SHBG: variants seen among roughly 807,000 people sequenced by gnomAD.
SHBG encodes the protein sex hormone binding globulin.
A neutral mutation model predicts 41.9 loss-of-function variants in SHBG; 37 were observed. The observed-to-expected ratio is 0.88, with a 90% CI of 0.68 to 1.16. The LOEUF is 1.16. Among genes scored for constraint, SHBG ranks in the 50% most tolerant of loss-of-function variants. The pLI is 0.00. For missense variants in SHBG, 466 were observed against 499.9 expected, an observed-to-expected ratio of 0.93 and a Z score of 0.65; for synonymous variants, 217 against 205.8, an observed-to-expected ratio of 1.05 and a Z score of -0.47.
chr17:7,632,270 A>G (rs1423005216), intron 6 of SHBG, among the ~76,000 whole-genome samples: 1 of 149,314 alleles, frequency 6.7e-6, no homozygotes, highest in African/African-American at 2.5e-5. Flanking sequence ...CATAGCAGAG[A>G]CCTCTGTCTA....
rs753980166 is a variant in SHBG at position 7,631,867 on chromosome 17, T to C, written c.716-12T>C. ...AGCTTTGAGGCCTCAGGATAATCATTTCTCCCCACAGACATTCCCCAGCCT... is the reference window on the plus strand; with the variant it reads ...AGCTTTGAGGCCTCAGGATAATCATCTCTCCCCACAGACATTCCCCAGCCT... On this transcript the variant is annotated splice_polypyrimidine_tract_variant and intron_variant, in intron 5 of 7. Coordinates refer to ENST00000380450, the MANE Select transcript of SHBG (RefSeq NM_001040.5). The C allele has an allele frequency of 2.2e-5, 35 of 1,613,864 alleles. No homozygotes were observed. The Admixed American group carries it at 5.7e-4, about 26-fold the overall frequency.
upstream of SHBG, among the ~76,000 whole-genome samples, chr17:7,629,536 A>T (rs371831360): frequency 3.9e-5 from 6 of 152,142 alleles, no homozygotes; most frequent in Admixed American, 3.9e-4. Context: ...AATCATACAC[A>T]CAGACAATAC....
upstream of SHBG, chr17:7,628,083 CT>C (rs1383752663): frequency 2.1e-6 from 1 of 465,920 alleles, no homozygotes; most frequent in South Asian, 1.5e-5. Flanking sequence ...CCCCGCAGTG[CT>C]TTTTAAATTG....
chr17:7,627,852 G>C, upstream of SHBG: 1 of 657,316 alleles, frequency 1.5e-6, no homozygotes, highest in East Asian at 2.8e-5. The surrounding 1 kb of genome is among the most constrained non-coding windows in gnomAD (Gnocchi z 4.8). Context: ...CTCTGTCCGG[G>C]CATAGCCCCA....
intron 7 of SHBG, 39 bp from the exon 8 acceptor site, chr17:7,633,164 CT>C (rs1207933832): frequency 1.2e-6 from 2 of 1,612,806 alleles, no homozygotes. Flanking sequence ...TCCGAGCCAC[CT>C]TAATGCTCTA....
At chr17:7,616,781 C>T (rs1405533363) in intron 1 of SHBG, among the ~76,000 whole-genome samples, 1 of 146,680 alleles carries the variant, frequency 6.8e-6, no homozygotes, top group East Asian at 2.0e-4. Context: ...ACTAAAAATA[C>T]AAAAATTAGC....
In SHBG at chr17:7,621,399, C is replaced by G. The variant is rs1460182906; in HGVS notation, c.-62+7288C>G. Among the ~76,000 whole-genome samples the G allele has an allele frequency of 1.4e-5, 2 of 138,298 alleles. 1 individual carries two copies. Among genetic ancestry groups the G allele is most frequent in the Non-Finnish European group, 3.2e-5 (2 of 62,530 alleles). The allele number at this position is 138,298 out of a possible 152,430, so 90.7% of individuals were successfully genotyped here. On this transcript the variant is annotated intron_variant, in intron 1 of 5. Coordinates refer to the SHBG transcript ENST00000570547. ...ATCATCTGAGGTCAGGAGTTTGAGACCAGCCTGGCCAACATGGTGAAAACC... is the reference window on the plus strand; with the variant it reads ...ATCATCTGAGGTCAGGAGTTTGAGAGCAGCCTGGCCAACATGGTGAAAACC...
In SHBG at chr17:7,630,272, C is replaced by T; in HGVS notation, c.100C>T (p.Leu34Phe). The T allele has an allele frequency of 6.2e-7, 1 of 1,608,102 alleles. No individual in the cohort carries two copies. Among genetic ancestry groups the T allele is most frequent in the South Asian group, 1.1e-5 (1 of 90,500 alleles). Residue 34 changes from leucine (L) to phenylalanine (F), a missense_variant, in exon 1 of 8, where the codon CTC becomes TTC. Coordinates refer to ENST00000380450, the MANE Select transcript of SHBG (RefSeq NM_001040.5). This position sits in a 1 kb window ranked among gnomAD's most constrained non-coding sequence, Gnocchi z 4.6. ...CCAGGGATGGGCCCTGAGACCTGTT[C>T]TCCCCACCCAGGTGCAGGAGCGGGA... ...TRQGWALRPV[L>F]PTQSAHDPPA... is the part of the protein sequence containing the mutation.
chr17:7,632,131 A>C, intron 6 of SHBG, 116 bp downstream of exon 6: 1 of 1,083,588 alleles, frequency 9.2e-7, no homozygotes, highest in Non-Finnish European at 1.4e-6. Context: ...ACATAACAAG[A>C]CTGGCTCCAC....
upstream of SHBG, chr17:7,626,665 T>C (rs377736074): frequency 6.2e-7 from 1 of 1,610,912 alleles, no homozygotes; most frequent in African/African-American, 1.3e-5. Flanking sequence ...AGAAAAAGGT[T>C]TTCTCACTCC....
intron 1 of SHBG, among the ~76,000 whole-genome samples, chr17:7,618,214 TTC>T (rs1318171874): frequency 6.6e-6 from 1 of 151,038 alleles, no homozygotes; most frequent in Non-Finnish European, 1.5e-5. Context: ...CAGAGAAAGA[TTC>T]TGTCTCAAAA....
chr17:7,626,468 C>T (rs759614379), upstream of SHBG: 28 of 1,613,928 alleles, frequency 1.7e-5, no homozygotes, highest in East Asian at 1.8e-4. Flanking sequence ...CCAACTTTCT[C>T]GTTGCCTCTC....
intron 1 of SHBG, among the ~76,000 whole-genome samples, chr17:7,615,629 G>T (rs1296846866): frequency 6.8e-6 from 1 of 146,756 alleles, no homozygotes; most frequent in Non-Finnish European, 1.5e-5. Flanking sequence ...GACCAGCGTG[G>T]CCAAAATGGT....
At chr17:7,627,777 G>T (rs557760691), upstream of SHBG, 32 of 935,076 alleles carry the variant, frequency 3.4e-5, no homozygotes, top group African/African-American at 4.8e-4. This position sits in a 1 kb window ranked among gnomAD's most constrained non-coding sequence, Gnocchi z 4.8. Flanking sequence ...GGTAGCCGCG[G>T]CCTGGTAAGT....
At position 7,631,474 on chromosome 17, in the gene SHBG, T is replaced by A. The variant is rs1259287904; in HGVS notation, c.555+113T>A. ...TAGGGAGAAGGGAAGGGTTGAGAGC[T>A]GCAAGGGGGAGGCCAAATGCTCAGA... On this transcript the variant is annotated intron_variant, in intron 4 of 7. Transcript: ENST00000380450. 4 of 1,562,076 alleles carry A rather than the reference T, an allele frequency of 2.6e-6. No homozygotes were observed. The East Asian group carries it at 9.0e-5, about 35-fold the overall frequency.
upstream of SHBG, chr17:7,627,467 C>G (rs911877399): frequency 9.8e-5 from 158 of 1,607,930 alleles, no homozygotes; most frequent in Admixed American, 1.8e-4. This position sits in a 1 kb window ranked among gnomAD's most constrained non-coding sequence, Gnocchi z 4.8. Context: ...CGCTGCTCCC[C>G]GAGCAGGTTC....
chr17:7,622,875 A>C (rs1286772527), intron 1 of SHBG, among the ~76,000 whole-genome samples: 1 of 145,246 alleles, frequency 6.9e-6, no homozygotes, highest in Admixed American at 6.9e-5. Context: ...TAAAAATACA[A>C]AAAAAAAAAA....
upstream of SHBG, chr17:7,626,312 C>G (rs1412913419): frequency 2.2e-5 from 20 of 918,994 alleles, no homozygotes; most frequent in Non-Finnish European, 3.0e-5. Flanking sequence ...TCTTCCAATA[C>G]TTGAGGATAG....
chr17:7,614,650 C>A, intron 1 of SHBG: 1 of 491,600 alleles, frequency 2.0e-6, no homozygotes, highest in Non-Finnish European at 3.1e-6. Flanking sequence ...CCGCGGGGGG[C>A]GGGAGCCGGG....
Sources: gnomAD v4.1 joint callset for allele counts (sites outside exome capture counted in the v4.1 genomes callset) on GRCh38, gnomAD v4.1.1 for gene constraint, Gnocchi (gnomAD v3.1) non-coding constraint, MANE v1.5 for transcripts, NCBI Gene and HGNC (gene_info 2026-07-23, HGNC 2026-07-21) for gene names.